The following PI4KA variants were observed in gnomAD, a reference collection of about 807,000 sequenced individuals.
The protein encoded by PI4KA is phosphatidylinositol 4-kinase alpha, also known as PI4-kinase alpha.
PI4KA carries 122 observed loss-of-function variants against 271.4 expected under a neutral mutation model. That is an observed-to-expected ratio of 0.45 (90% CI 0.39 to 0.52). The LOEUF (loss-of-function observed/expected upper bound fraction) is 0.52, where lower values mean the gene tolerates loss of function less well. PI4KA is among the 20% of genes least tolerant of loss of function. The probability of loss-of-function intolerance (pLI) is 0.00; values close to 1 mark genes in which losing one functional copy is unlikely to be tolerated. For synonymous variants in PI4KA, 1,041 were observed against 1,078.8 expected (o/e 0.96, Z 0.69); for missense variants, 1,969 against 2,769.1 (o/e 0.71, Z 6.48).
chr22:20,799,330 G>A, intron 15 of PI4KA, 54 bp from the exon 16 acceptor site: 1 of 1,431,654 alleles, frequency 7.0e-7, no homozygotes, highest in Non-Finnish European at 9.4e-7. Context: ...GCATGCAGTA[G>A]TGAAACAGTA....
At chr22:20,812,605 A>G (rs889906076) in intron 8 of PI4KA, among the ~76,000 whole-genome samples, 1 of 152,122 alleles carries the variant, frequency 6.6e-6, no homozygotes. Flanking sequence ...CCCAGGCTGG[A>G]GTGCAGTGCT....
intron 3 of PI4KA, among the ~76,000 whole-genome samples, chr22:20,828,049 C>A (rs571509334): frequency 5.9e-5 from 9 of 152,162 alleles, no homozygotes; most frequent in Non-Finnish European, 1.2e-4. Context: ...CTGCCTCGGC[C>A]TCCCAAAGTG....
chr22:20,814,492 A>G (rs1025314914), intron 7 of PI4KA, among the ~76,000 whole-genome samples: 1 of 152,190 alleles, frequency 6.6e-6, no homozygotes, highest in African/African-American at 2.4e-5. Context: ...GCTCATGCCT[A>G]TAAACCCAGA....
chr22:20,757,523 G>A (rs1931440805), intron 23 of PI4KA, among the ~76,000 whole-genome samples: 3 of 152,028 alleles, frequency 2.0e-5, no homozygotes, highest in African/African-American at 7.2e-5. Flanking sequence ...TCTCTAGAAG[G>A]CTGGCAAAAT....
chr22:20,857,640 C>T (rs925187346), intron 1 of PI4KA, among the ~76,000 whole-genome samples: 7 of 152,222 alleles, frequency 4.6e-5, no homozygotes, highest in African/African-American at 9.7e-5. Context: ...TTACTGCTCA[C>T]CCACTCTGTG....
chr22:20,716,176 G>T (rs372622325), intron 45 of PI4KA, among the ~76,000 whole-genome samples: 1 of 152,020 alleles, frequency 6.6e-6, no homozygotes, highest in Non-Finnish European at 1.5e-5. Context: ...TCAGCCTCCC[G>T]AGTAGCTGGG....
At chr22:20,845,478 A>C (rs960974293) in intron 1 of PI4KA, among the ~76,000 whole-genome samples, 3 of 152,220 alleles carry the variant, frequency 2.0e-5, no homozygotes, top group African/African-American at 7.2e-5. Context: ...CAAAAGACTA[A>C]GATTTAAGTA....
At chr22:20,820,362 A>C (rs1922482260) in intron 5 of PI4KA, among the ~76,000 whole-genome samples, 177 bp downstream of exon 5, 1 of 152,184 alleles carries the variant, frequency 6.6e-6, no homozygotes, top group African/African-American at 2.4e-5. Flanking sequence ...GTAGCAGAGC[A>C]ATGCACATGA....
Position 20,765,697 on chromosome 22 carries a change from A to G in PI4KA, c.2329-4T>C. ...TGGGTGGCAGTCGTCGGGTGAGCTG[A>G]TGTGCCAAGAAGAGAGGGAGAAAGG... On this transcript the variant is annotated splice_polypyrimidine_tract_variant and splice_region_variant and intron_variant, in intron 19 of 54. Coordinates refer to ENST00000255882, the MANE Select transcript of PI4KA (RefSeq NM_058004.4). The G allele has an allele frequency of 6.3e-7, 1 of 1,599,696 alleles. No individual in the cohort carries two copies. The highest frequency in any genetic ancestry group is 8.6e-7 in the Non-Finnish European group (1 of 1,167,088).
At chr22:20,716,989 T>C (rs1926081051) in intron 45 of PI4KA, among the ~76,000 whole-genome samples, 1 of 152,170 alleles carries the variant, frequency 6.6e-6, no homozygotes, top group Admixed American at 6.5e-5. Flanking sequence ...CTCATGCCTG[T>C]AATCCTAGCA....
intron 22 of PI4KA, 132 bp downstream of exon 22, chr22:20,764,685 T>G: frequency 1.1e-6 from 1 of 942,554 alleles, no homozygotes; most frequent in South Asian, 1.9e-5. Flanking sequence ...AGAGGGTGTT[T>G]TTGCTTGGTT....
chr22:20,836,722 G>C (rs1924913202), intron 2 of PI4KA, among the ~76,000 whole-genome samples: 1 of 152,160 alleles, frequency 6.6e-6, no homozygotes, highest in Non-Finnish European at 1.5e-5. Flanking sequence ...AAGCATGCTA[G>C]GCTTCTCTCC....
At chr22:20,729,859 T>A (rs780524221) in intron 37 of PI4KA, 33 bp downstream of exon 37, 3 of 1,613,498 alleles carry the variant, frequency 1.9e-6, no homozygotes, top group Non-Finnish European at 1.7e-6. Context: ...ATAGCTTGCA[T>A]GTGATGGCCC....
intron 51 of PI4KA, 50 bp from the exon 52 acceptor site, chr22:20,710,908 C>A (rs766713373): frequency 6.2e-7 from 1 of 1,604,344 alleles, no homozygotes; most frequent in Non-Finnish European, 8.5e-7. Flanking sequence ...CCAGGGCGGG[C>A]AAGGACAAGT....
rs539623160 is a variant in PI4KA, at chr22:20,746,883, G to A, written c.3363+700C>T. Among the ~76,000 whole-genome samples, 59 of 152,254 alleles carry A rather than the reference G, an allele frequency of 3.9e-4. No homozygotes were observed. In the South Asian group the frequency reaches 6.8e-3, roughly 18 times the overall value. ...GAGGGCACTCAGGCCCCTCTCTCCC[G>A]CCGGTATCCCAAGGGAGGCCTGTCA... On this transcript the variant is annotated intron_variant, in intron 29 of 54. Coordinates refer to ENST00000255882, the MANE Select transcript of PI4KA (RefSeq NM_058004.4).
At chr22:20,816,404 C>T (rs1409577051) in intron 7 of PI4KA, among the ~76,000 whole-genome samples, 3 of 152,134 alleles carry the variant, frequency 2.0e-5, no homozygotes, top group Non-Finnish European at 4.4e-5. Flanking sequence ...GCTGTGATTA[C>T]AGGCGTGAGC....
Position 20,762,925 on chromosome 22 carries a change from G to A in PI4KA, c.2709-1539C>T, listed in dbSNP as rs141106628. On this transcript the variant is annotated intron_variant, in intron 22 of 54. Transcript: ENST00000255882. ...AGCTCACTGCAGCCTCAACCTCCTAGGCTTAAGCAACCCCCTTGCCTCAGT... is the reference window on the plus strand; with the variant it reads ...AGCTCACTGCAGCCTCAACCTCCTAAGCTTAAGCAACCCCCTTGCCTCAGT... Among the ~76,000 whole-genome samples, 21 of 148,862 alleles carry A rather than the reference G, an allele frequency of 1.4e-4. No individual in the cohort carries two copies. In the East Asian group the frequency reaches 4.2e-3, roughly 29 times the overall value.
intron 1 of PI4KA, among the ~76,000 whole-genome samples, chr22:20,839,843 T>C (rs1322528335): frequency 6.7e-6 from 1 of 150,308 alleles, no homozygotes; most frequent in Non-Finnish European, 1.5e-5. Context: ...AAAAAAAAAA[T>C]CAAATGTGTG....
At chr22:20,743,782 C>T (rs1173158679) in intron 30 of PI4KA, among the ~76,000 whole-genome samples, 9 of 152,056 alleles carry the variant, frequency 5.9e-5, no homozygotes, top group African/African-American at 1.9e-4. Context: ...AGGCTGGGCG[C>T]GGTGGCTCAC....
Sources: allele counts gnomAD v4.1 joint callset (sites outside exome capture counted in the v4.1 genomes callset), GRCh38; gene constraint gnomAD v4.1.1; transcripts MANE v1.5; gene names NCBI Gene and HGNC (gene_info 2026-07-23, HGNC 2026-07-21).